The following RBFOX1 variants were observed in gnomAD, a reference collection of about 807,000 sequenced individuals.
The protein encoded by RBFOX1 is RNA binding fox-1 homolog 1.
A neutral mutation model predicts 57.7 loss-of-function variants in RBFOX1; 8 were observed. The ratio of observed to expected loss-of-function variants is 0.14; its 90% CI spans 0.08 to 0.25. RBFOX1 has a LOEUF of 0.25. RBFOX1 is among the 10% of genes least tolerant of loss of function. The pLI is 1.00. For synonymous variants in RBFOX1, 326 were observed against 222.4 expected (o/e 1.47, Z -4.15); for missense variants, 611 against 548.5 (o/e 1.11, Z -1.14).
chr16:6,763,029 G>T (rs1038520153), intron 3 of RBFOX1, among the ~76,000 whole-genome samples: 4 of 31,742 alleles, frequency 1.3e-4, no homozygotes, highest in African/African-American at 2.6e-4. Flanking sequence ...AGAATGTGAC[G>T]TTCATTCATG....
intron 4 of RBFOX1, among the ~76,000 whole-genome samples, chr16:7,239,418 A>C (rs11643961): frequency 6.6e-6 from 1 of 151,978 alleles, no homozygotes; most frequent in Admixed American, 6.6e-5. Flanking sequence ...AGAATTGCTT[A>C]AACCTGGGAG....
At chr16:5,647,774 G>A (rs1028794239) in intron 3 of RBFOX1, among the ~76,000 whole-genome samples, 4 of 152,176 alleles carry the variant, frequency 2.6e-5, no homozygotes, top group East Asian at 3.8e-4. Context: ...CAAGTTTCCC[G>A]GAACAGATTC....
intron 1 of RBFOX1, among the ~76,000 whole-genome samples, chr16:6,142,279 T>C (rs2152703628): frequency 1.5e-5 from 2 of 134,722 alleles, no homozygotes; most frequent in East Asian, 4.7e-4. Context: ...TGGAGTGAAA[T>C]GGCGTGATCT....
chr16:7,212,457 G>A (rs1386652953), intron 4 of RBFOX1, among the ~76,000 whole-genome samples: 1 of 152,174 alleles, frequency 6.6e-6, no homozygotes, highest in Non-Finnish European at 1.5e-5. Context: ...TATCCATGCA[G>A]ATGCTGCTTT....
chr16:5,626,926 A>G (rs1230184428), intron 3 of RBFOX1, among the ~76,000 whole-genome samples: 1 of 152,148 alleles, frequency 6.6e-6, no homozygotes, highest in Non-Finnish European at 1.5e-5. Context: ...CTGAACATCT[A>G]CATTTCTGTT....
chr16:6,493,056 A>G (rs572547138), intron 2 of RBFOX1, among the ~76,000 whole-genome samples: 2 of 152,338 alleles, frequency 1.3e-5, no homozygotes, highest in South Asian at 4.1e-4. Flanking sequence ...CCCTATTTGG[A>G]TAATTAAAAA....
chr16:5,970,650 A>G (rs1193276989), intron 4 of RBFOX1, among the ~76,000 whole-genome samples: 1 of 152,204 alleles, frequency 6.6e-6, no homozygotes, highest in African/African-American at 2.4e-5. Flanking sequence ...CCAGACTGTC[A>G]TGAAAGAGGA....
intron 4 of RBFOX1, among the ~76,000 whole-genome samples, chr16:7,124,460 A>G (rs1182151513): frequency 2.6e-5 from 4 of 151,784 alleles, no homozygotes; most frequent in African/African-American, 9.7e-5. Context: ...TGAAATATGT[A>G]CTGTACACTT....
chr16:6,166,732 C>T (rs776156080), intron 1 of RBFOX1, among the ~76,000 whole-genome samples: 15 of 152,096 alleles, frequency 9.9e-5, no homozygotes, highest in Non-Finnish European at 1.9e-4. Flanking sequence ...GTGGGTTACT[C>T]TGAAGAGCCT....
At chr16:6,190,980 C>T (rs1806062476) in intron 1 of RBFOX1, among the ~76,000 whole-genome samples, 1 of 152,084 alleles carries the variant, frequency 6.6e-6, no homozygotes. Context: ...CCAGATCGGG[C>T]AGCCTCCCAG....
chr16:7,492,570 T>C (rs1599860500), intron 4 of RBFOX1, among the ~76,000 whole-genome samples: 2 of 152,320 alleles, frequency 1.3e-5, no homozygotes, highest in Non-Finnish European at 2.9e-5. Flanking sequence ...CTTAGTGATA[T>C]CATTTAGATA....
intron 4 of RBFOX1, among the ~76,000 whole-genome samples, chr16:5,934,132 G>GGCAT (rs1299763211): frequency 1.3e-5 from 2 of 152,330 alleles, no homozygotes; most frequent in African/African-American, 4.8e-5. Context: ...ATGTGGACAC[G>GGCAT]GCATGGCATC....
intron 3 of RBFOX1, among the ~76,000 whole-genome samples, chr16:6,971,118 G>T (rs1472391082): frequency 6.6e-6 from 1 of 152,190 alleles, no homozygotes; most frequent in African/African-American, 2.4e-5. Flanking sequence ...AGCGGAGGAA[G>T]ACAGACATTT....
At chr16:5,295,719 C>T (rs1032407592) in intron 1 of RBFOX1, among the ~76,000 whole-genome samples, 8 of 152,310 alleles carry the variant, frequency 5.3e-5, no homozygotes, top group East Asian at 1.9e-4. Context: ...TCCTATCTAA[C>T]GTAATCACTA....
chr16:5,635,241 C>G (rs542625443), intron 3 of RBFOX1, among the ~76,000 whole-genome samples: 1 of 152,220 alleles, frequency 6.6e-6, no homozygotes, highest in East Asian at 1.9e-4. Flanking sequence ...CAAGCTACTT[C>G]ATTCTATTGA....
At chr16:6,267,347 T>C (rs2074638843) in intron 1 of RBFOX1, among the ~76,000 whole-genome samples, 1 of 152,232 alleles carries the variant, frequency 6.6e-6, no homozygotes, top group African/African-American at 2.4e-5. Context: ...TGGTGATTTG[T>C]TTGACCTCTC....
chr16:7,031,825 C>G (rs1443666116), intron 3 of RBFOX1, among the ~76,000 whole-genome samples: 3 of 152,122 alleles, frequency 2.0e-5, no homozygotes, highest in African/African-American at 7.2e-5. Context: ...CACATGTAAG[C>G]CAACGTGGTC....
At chr16:7,519,824 G>C (rs1171809933) in intron 5 of RBFOX1, 1 of 698,262 alleles carries the variant, frequency 1.4e-6, no homozygotes, top group African/African-American at 1.9e-5. Context: ...AGAAAACACT[G>C]ACTAACTTTG....
intron 3 of RBFOX1, among the ~76,000 whole-genome samples, chr16:6,848,705 G>C (rs559218891): frequency 6.6e-6 from 1 of 152,174 alleles, no homozygotes; most frequent in Non-Finnish European, 1.5e-5. Flanking sequence ...TGGAATGAGA[G>C]ATAATAGATG....
Sources: allele counts gnomAD v4.1 joint callset (sites outside exome capture counted in the v4.1 genomes callset), GRCh38; gene constraint gnomAD v4.1.1; transcripts MANE v1.5; gene names NCBI Gene and HGNC (gene_info 2026-07-23, HGNC 2026-07-21).